Variants in ARHGAP11A observed in about 807,000 individuals in gnomAD.
The protein encoded by ARHGAP11A is Rho GTPase activating protein 11A.
In ARHGAP11A, 36 loss-of-function variants were observed where a neutral mutation model predicts 60.5. The observed-to-expected ratio is 0.59, with a 90% CI of 0.46 to 0.79. The LOEUF (loss-of-function observed/expected upper bound fraction) is 0.79. Ranked by LOEUF, ARHGAP11A falls within the 30% of genes least tolerant of loss-of-function variation. ARHGAP11A has a pLI of 0.00. For synonymous variants in ARHGAP11A, 362 were observed against 415.5 expected, an observed-to-expected ratio of 0.87 and a Z score of 1.57; for missense variants, 1,071 against 1,199.2, an observed-to-expected ratio of 0.89 and a Z score of 1.58.
intron 2 of ARHGAP11A, 128 bp from the exon 3 acceptor site, chr15:32,623,364 A>G (rs754828561): frequency 2.6e-6 from 2 of 771,236 alleles, no homozygotes; most frequent in Non-Finnish European, 3.9e-6. Context: ...ATTTCATCTC[A>G]AAGACTACAG....
intron 8 of ARHGAP11A, among the ~76,000 whole-genome samples, 179 bp downstream of exon 8, chr15:32,629,941 AGT>A (rs376208322): frequency 0.054 from 5,450 of 101,444 alleles, 489 homozygotes; most frequent in East Asian, 0.12. Flanking sequence ...GTTTCAATAT[AGT>A]GTGTGTGTGT....
intron 1 of ARHGAP11A, among the ~76,000 whole-genome samples, chr15:32,616,904 C>T (rs1262106332): frequency 6.6e-6 from 1 of 152,138 alleles, no homozygotes; most frequent in Non-Finnish European, 1.5e-5. Flanking sequence ...ACTGCATATT[C>T]ACTAATTTGG....
In ARHGAP11A at chr15:32,633,094, CA is replaced by C; in HGVS notation, c.1227del (p.Val410PhefsTer28). On this transcript the variant is annotated frameshift_variant, in exon 9 of 12. Coordinates refer to ENST00000361627, the MANE Select transcript of ARHGAP11A (RefSeq NM_014783.6). LOFTEE classifies it high-confidence loss of function. Reference protein sequence around the residue: ...VPRRSKRIAGKKVCRVESGKA... With the variant: ...VPRRSKRIAGXKVCRVESGKA... ...CAAGGCGAAGTAAAAGAATTGCAGG[CA>C]AAAAAGTTTGCAGGTACTTTATCCA... 6.2e-7 allele frequency: 1 copy of C among 1,613,386 alleles called. No individual in the cohort carries two copies. Among genetic ancestry groups the C allele is most frequent in the Non-Finnish European group, 8.5e-7 (1 of 1,179,778 alleles).
chr15:32,639,205 A>G lies in ARHGAP11A; in HGVS notation c.*1360A>G, dbSNP rs756024473. On this transcript the variant is annotated 3_prime_UTR_variant, in exon 12 of 12. Transcript: ENST00000361627. ...AACATATTCTCTAGGTTGTAGAGGA[A>G]GGAATAAGCAGACAGAATCAACCAC... 2.7e-4 allele frequency: 41 copies of G among 152,390 alleles called. No individual in the cohort carries two copies. The highest frequency in any genetic ancestry group is 9.1e-4 in the Admixed American group (14 of 15,308). 9.4% of individuals were successfully genotyped at this position (152,390 alleles called of 1,614,324 possible). A position where few individuals can be genotyped will look rare whatever the true frequency, so the allele number is the denominator to read the frequency against.
rs1010235247 is a variant in ARHGAP11A, at chr15:32,618,470, A to G, written c.130-1638A>G. Among the ~76,000 whole-genome samples the G allele has an allele frequency of 2.0e-5, 3 of 152,202 alleles. No homozygotes were observed. The East Asian group carries it at 5.8e-4, about 29-fold the overall frequency. ...AAAATGATGATCATAATATTAACAAATATTTTTTGAATGCTTACTGTGTGT... is the reference window on the plus strand; with the variant it reads ...AAAATGATGATCATAATATTAACAAGTATTTTTTGAATGCTTACTGTGTGT... On this transcript the variant is annotated intron_variant, in intron 1 of 11. Transcript: ENST00000361627.
intron 2 of ARHGAP11A, among the ~76,000 whole-genome samples, chr15:32,623,054 C>T (rs1052745577): frequency 2.0e-5 from 3 of 150,250 alleles, no homozygotes; most frequent in African/African-American, 7.4e-5. Context: ...GGTGATAGAT[C>T]GAGCAATACG....
Position 32,625,562 on chromosome 15 carries a change from T to C in ARHGAP11A, c.791T>C (p.Leu264Pro). The C allele has an allele frequency of 6.2e-7, 1 of 1,613,870 alleles. No homozygotes were observed. The highest frequency in any genetic ancestry group is 8.5e-7 in the Non-Finnish European group (1 of 1,179,790). Residue 264 changes from leucine (L) to proline (P), a missense_variant, in exon 6 of 12, where the codon CTG becomes CCG. Physicochemically the swap from Leu to Pro is moderately conservative, Grantham distance 98. Transcript: ENST00000361627. The part of the protein sequence containing the change: ...GIDGLCATPS[L>P]EGFEEGEYET... ...GATGGTCTCTGTGCTACTCCATCAC[T>C]GGAAGGCTTTGAAGAAGGTGAATAT...
intron 1 of ARHGAP11A, among the ~76,000 whole-genome samples, chr15:32,617,359 A>AT (rs1245109390): frequency 6.7e-6 from 1 of 150,198 alleles, no homozygotes; most frequent in Non-Finnish European, 1.5e-5. Flanking sequence ...AGCTACAGTG[A>AT]TTTTTTTCTG....
chr15:32,629,685 G>C lies in ARHGAP11A; in HGVS notation c.1028G>C (p.Arg343Thr). ...DSSHGFSSKK[R>T]KSIKHNFNFE... ...TCTCATGGTTTCTCAAGTAAGAAAA[G>C]GAAGTCCATCAAGCACAATTTTAAC... The change falls in exon 8 of 12, where the codon AGG becomes ACG. Residue 343 changes from arginine (R) to threonine (T), a missense_variant. Arg to Thr is a moderately conservative substitution (Grantham distance 71). Around this residue, in one of 4 missense-constraint regions of ARHGAP11A, gnomAD observed 196 missense variants for 272.1 expected, o/e 0.72. Coordinates refer to ENST00000361627, the MANE Select transcript of ARHGAP11A (RefSeq NM_014783.6). The C allele has an allele frequency of 6.2e-7, 1 of 1,613,574 alleles. No homozygotes were observed. The highest frequency in any genetic ancestry group is 8.5e-7 in the Non-Finnish European group (1 of 1,179,740).
At chr15:32,615,401 C>G (rs1267711657), upstream of ARHGAP11A, 1 of 152,000 alleles carries the variant, frequency 6.6e-6, no homozygotes, top group South Asian at 2.1e-4. Context: ...AGGCAGCTCT[C>G]GGCCACCCTC....
In ARHGAP11A at chr15:32,637,216, A is replaced by T; in HGVS notation, c.2443A>T (p.Asn815Tyr). The change falls in exon 12 of 12, where the codon AAC (asparagine) becomes TAC (tyrosine). Residue 815 changes from asparagine to tyrosine, a missense_variant. This residue lies in a region of ARHGAP11A where 776 missense variants were observed against 760.2 expected (regional missense o/e 1.02). Coordinates refer to ENST00000361627, the MANE Select transcript of ARHGAP11A (RefSeq NM_014783.6). Reference sequence around the variant, plus strand: ...GGTTTCTGATCACATACAGTGGTTTAACAAGCTTTCTTTAAATGAACCAAA... The same window carrying T: ...GGTTTCTGATCACATACAGTGGTTTTACAAGCTTTCTTTAAATGAACCAAA... ...RKVSDHIQWF[N>Y]KLSLNEPNRI... 1 of 1,614,270 alleles carries T rather than the reference A, an allele frequency of 6.2e-7. No individual in the cohort carries two copies. Among genetic ancestry groups the T allele is most frequent in the Non-Finnish European group, 8.5e-7 (1 of 1,180,048 alleles).
intron 2 of ARHGAP11A, among the ~76,000 whole-genome samples, chr15:32,622,119 C>T (rs1455208742): frequency 6.6e-6 from 1 of 152,306 alleles, no homozygotes; most frequent in African/African-American, 2.4e-5. Context: ...TAATGAACAC[C>T]TATAATGATT....
At chr15:32,621,174 C>G (rs193037028) in intron 2 of ARHGAP11A, among the ~76,000 whole-genome samples, 2,017 of 125,996 alleles carry the variant, frequency 0.016, 29 homozygotes, top group East Asian at 0.056. Flanking sequence ...TTATAAATAA[C>G]CTTTTATTCT....
In ARHGAP11A at chr15:32,636,387, T is replaced by G; in HGVS notation, c.1614T>G (p.Ser538=). 1 of 1,614,130 alleles carries G rather than the reference T, an allele frequency of 6.2e-7. No homozygotes were observed. Among genetic ancestry groups the G allele is most frequent in the Non-Finnish European group, 8.5e-7 (1 of 1,179,982 alleles). Residue 538 remains serine (S), a synonymous_variant, in exon 12 of 12, where the codon TCT becomes TCG. Coordinates refer to ENST00000361627, the MANE Select transcript of ARHGAP11A (RefSeq NM_014783.6). ...SFQEVDANEA[S]SMVENLEVEN... Reference sequence around the variant, plus strand: ...AAGAAGTAGATGCAAATGAAGCTTCTTCAATGGTGGAAAATCTTGAGGTAG... The same window carrying G: ...AAGAAGTAGATGCAAATGAAGCTTCGTCAATGGTGGAAAATCTTGAGGTAG...
Position 32,624,025 on chromosome 15 carries a change from C to T in ARHGAP11A, c.298-148C>T, listed in dbSNP as rs979776605. On this transcript the variant is annotated intron_variant, in intron 3 of 11. Transcript: ENST00000361627. ...TAAAAATAAAAATAAATTCAAAAAT[C>T]ATTAAAAATAAAGTAGTGACATATA... The T allele has an allele frequency of 8.0e-5, 48 of 596,306 alleles. No homozygotes were observed. In the African/African-American group the frequency reaches 8.8e-4, roughly 11 times the overall value. 36.9% of individuals were successfully genotyped at this position (596,306 alleles called of 1,614,324 possible). A position where few individuals can be genotyped will look rare whatever the true frequency, so the allele number is the denominator to read the frequency against.
Position 32,637,851 on chromosome 15 carries a change from A to G in ARHGAP11A, c.*6A>G. The G allele has an allele frequency of 6.3e-7, 1 of 1,577,340 alleles. No individual in the cohort carries two copies. ...GTAAACCTGTAGATTTGTAATTGGT[A>G]AATGTTATACTTGTCATTAATGTAA... On this transcript the variant is annotated 3_prime_UTR_variant, in exon 12 of 12. Transcript: ENST00000361627.
chr15:32,632,995 C>T lies in ARHGAP11A; in HGVS notation c.1122C>T (p.Ser374=). The change falls in exon 9 of 12, where the codon AGC becomes AGT. Residue 374 remains serine, a synonymous_variant. Coordinates refer to ENST00000361627, the MANE Select transcript of ARHGAP11A (RefSeq NM_014783.6). Reference sequence around the variant, plus strand: ...TTTTTGTAGTTCACATCGATACAAGCTCAGAAGGGTCATCTCAGAGTTCAC... The same window carrying T: ...TTTTTGTAGTTCACATCGATACAAGTTCAGAAGGGTCATCTCAGAGTTCAC... The part of the protein sequence containing the change: ...STPVSVHIDT[S]SEGSSQSSLS... 1 of 1,613,528 alleles carries T rather than the reference C, an allele frequency of 6.2e-7. No individual in the cohort carries two copies. The highest frequency in any genetic ancestry group is 1.7e-5 in the Admixed American group (1 of 59,966).
Position 32,637,687 on chromosome 15 carries a change from A to G in ARHGAP11A, c.2914A>G (p.Lys972Glu). Residue 972 changes from lysine to glutamate, a missense_variant, in exon 12 of 12, where the codon AAA becomes GAA. Around this residue, in one of 4 missense-constraint regions of ARHGAP11A, gnomAD observed 776 missense variants for 760.2 expected, o/e 1.02. Transcript: ENST00000361627. ...LDDLTNHDIV[K>E]PVVNNNMGIS... ...TGATCTGACTAATCATGATATAGTA[A>G]AACCAGTTGTAAATAACAACATGGG... 3.1e-6 allele frequency: 5 copies of G among 1,614,186 alleles called. No individual in the cohort carries two copies. The highest frequency in any genetic ancestry group is 4.2e-6 in the Non-Finnish European group (5 of 1,180,026).
rs2140477750 is a variant in ARHGAP11A, at chr15:32,636,422, T to G, written c.1649T>G (p.Leu550Trp). 6.2e-7 allele frequency: 1 copy of G among 1,614,058 alleles called. No homozygotes were observed. Among genetic ancestry groups the G allele is most frequent in the East Asian group, 2.2e-5 (1 of 44,862 alleles). Residue 550 changes from leucine (L) to tryptophan (W), a missense_variant, in exon 12 of 12, where the codon TTG becomes TGG. Around this residue, in one of 4 missense-constraint regions of ARHGAP11A, gnomAD observed 776 missense variants for 760.2 expected, o/e 1.02. Transcript: ENST00000361627. ...GAAAATCTTGAGGTAGAAAACTCTT[T>G]GGAGCCTGATATTATGGTAGAAAAG... is the stretch of plus-strand genomic sequence containing the variant. ...MVENLEVENS[L>W]EPDIMVEKSP...
Sources: allele counts gnomAD v4.1 joint callset (sites outside exome capture counted in the v4.1 genomes callset), GRCh38; gene constraint gnomAD v4.1.1; regional missense constraint gnomAD v4.1.1; transcripts MANE v1.5; gene names NCBI Gene and HGNC (gene_info 2026-07-23, HGNC 2026-07-21).